Variants in PPFIBP1 observed in about 807,000 individuals in gnomAD.
The protein encoded by PPFIBP1 is liprin-beta-1.
Under a neutral mutation model 137.8 loss-of-function variants are expected in PPFIBP1, and 112 were observed. That is an observed-to-expected ratio of 0.81 (90% CI 0.70 to 0.95). The LOEUF is 0.95. Among genes scored for constraint, PPFIBP1 ranks in the 40% least tolerant of loss-of-function variants. The pLI, the probability that PPFIBP1 is intolerant of heterozygous loss-of-function variation, is 0.00. For synonymous variants in PPFIBP1, 378 were observed against 417.3 expected, an observed-to-expected ratio of 0.91 and a Z score of 1.15; for missense variants, 1,083 against 1,196.6, an observed-to-expected ratio of 0.91 and a Z score of 1.40.
chr12:27,617,643 T>G (rs1282595169), intron 2 of PPFIBP1, among the ~76,000 whole-genome samples: 1 of 152,232 alleles, frequency 6.6e-6, no homozygotes, highest in Non-Finnish European at 1.5e-5. Context: ...TCTATATTAC[T>G]TAGAATACCT....
At chr12:27,656,825 A>G (rs971524004) in intron 9 of PPFIBP1, 95 bp downstream of exon 9, 17 of 860,852 alleles carry the variant, frequency 2.0e-5, no homozygotes, top group Admixed American at 8.6e-5. Flanking sequence ...TAGTTTTAGC[A>G]TCAAAGAAAG....
rs71039821 is a variant in PPFIBP1, at chr12:27,558,596, A to AACACACAC, written c.-123-19534_-123-19527dup. ...TCCTTCCTGCCCCCACCTCTCCACC[A>AACACACAC]ACACACACACACACACACACACACA... On this transcript the variant is annotated intron_variant, in intron 1 of 29. Coordinates refer to ENST00000228425, the MANE Select transcript of PPFIBP1 (RefSeq NM_003622.4). Among the ~76,000 whole-genome samples the AACACACAC allele has an allele frequency of 5.3e-3, 637 of 119,842 alleles. 50 individuals are homozygous for AACACACAC. Among genetic ancestry groups the AACACACAC allele is most frequent in the African/African-American group, 0.012 (333 of 28,750 alleles). The allele number at this position is 119,842 out of a possible 152,430, so 78.6% of individuals were successfully genotyped here.
chr12:27,633,670 C>T (rs1461674948), intron 3 of PPFIBP1, among the ~76,000 whole-genome samples: 2 of 152,108 alleles, frequency 1.3e-5, no homozygotes, highest in Non-Finnish European at 2.9e-5. Flanking sequence ...ATTTCAGTTC[C>T]ATCCTAGGTT....
rs1332884281 is a variant in PPFIBP1, at chr12:27,580,020, A to G, written c.-36+1781A>G. Among the ~76,000 whole-genome samples the G allele has an allele frequency of 2.0e-5, 3 of 152,264 alleles. 1 individual carries two copies. The highest frequency in any genetic ancestry group is 2.4e-5 in the African/African-American group (1 of 41,548). ...AGGGGAAGAGGAAATAGATCCAGAAAAGAGATGTGTCTGGATTCCTATAGA... is the reference window on the plus strand; with the variant it reads ...AGGGGAAGAGGAAATAGATCCAGAAGAGAGATGTGTCTGGATTCCTATAGA... On this transcript the variant is annotated intron_variant, in intron 2 of 29. Transcript: ENST00000228425.
chr12:27,602,512 C>G (rs1389037605), intron 2 of PPFIBP1, among the ~76,000 whole-genome samples: 1 of 152,178 alleles, frequency 6.6e-6, no homozygotes, highest in African/African-American at 2.4e-5. Context: ...CCCAGAACTT[C>G]AAGGTCTGAG....
At chr12:27,664,692 G>C (rs932373372) in intron 12 of PPFIBP1, among the ~76,000 whole-genome samples, 1 of 150,408 alleles carries the variant, frequency 6.6e-6, no homozygotes, top group African/African-American at 2.4e-5. Flanking sequence ...ATTCCAGAGA[G>C]AGAAAAACGA....
chr12:27,595,994 T>G (rs2053243544), intron 2 of PPFIBP1, among the ~76,000 whole-genome samples: 1 of 150,762 alleles, frequency 6.6e-6, no homozygotes, highest in Non-Finnish European at 1.5e-5. Context: ...TGGAGGTTAC[T>G]TCTCTCTTGT....
At chr12:27,602,998 T>G (rs1436582320) in intron 2 of PPFIBP1, among the ~76,000 whole-genome samples, 1 of 152,216 alleles carries the variant, frequency 6.6e-6, no homozygotes, top group Admixed American at 6.5e-5. Flanking sequence ...ATTGTTCGTA[T>G]AGCTGCCAAA....
At chr12:27,641,768 A>G (rs1255338641) in intron 4 of PPFIBP1, among the ~76,000 whole-genome samples, 1 of 152,144 alleles carries the variant, frequency 6.6e-6, no homozygotes, top group Admixed American at 6.5e-5. Context: ...TAAAATACCA[A>G]TTAGGCTAAA....
rs139319069 is a variant in PPFIBP1, at chr12:27,541,316, G to A, written c.-124+16951G>A. 5.9e-3 allele frequency among the ~76,000 whole-genome samples: 892 copies of A among 152,090 alleles called. 6 individuals are homozygous for A. The highest frequency in any genetic ancestry group is 0.011 in the Non-Finnish European group (743 of 67,968). Reference sequence around the variant, plus strand: ...GAAAAGGGGAGGCTGTTTTTGGGCCGAGGGTTGTTTGTTTGGCTTTTTCAT... The same window carrying A: ...GAAAAGGGGAGGCTGTTTTTGGGCCAAGGGTTGTTTGTTTGGCTTTTTCAT... On this transcript the variant is annotated intron_variant, in intron 1 of 29. Coordinates refer to ENST00000228425, the MANE Select transcript of PPFIBP1 (RefSeq NM_003622.4).
chr12:27,537,288 C>T (rs540614108), intron 1 of PPFIBP1, among the ~76,000 whole-genome samples: 4 of 152,260 alleles, frequency 2.6e-5, no homozygotes, highest in East Asian at 1.9e-4. Context: ...CCTGCCACCA[C>T]GTCCAGCTAA....
In PPFIBP1 at chr12:27,672,463, C is replaced by T. The variant is rs1465611353; in HGVS notation, c.1299C>T (p.Thr433=). Residue 433 remains threonine, a synonymous_variant, in exon 15 of 30, where the codon ACC becomes ACT. Transcript: ENST00000228425. ...TAATCCTTGGTGCCACTGTTGATAC[C>T]CAACTGTGTGATAAACTTTTGTAAG... ...GNIILGATVD[T]QLCDKLLTSS... is the part of the protein sequence containing the mutation. 1.2e-6 allele frequency: 2 copies of T among 1,608,220 alleles called. No individual in the cohort carries two copies. The highest frequency in any genetic ancestry group is 1.7e-6 in the Non-Finnish European group (2 of 1,175,404).
chr12:27,663,091 C>G (rs1458636309), intron 11 of PPFIBP1, among the ~76,000 whole-genome samples: 2 of 152,076 alleles, frequency 1.3e-5, no homozygotes, highest in Admixed American at 1.3e-4. Context: ...TTAGGTTGGC[C>G]CCAGCTGGGA....
At chr12:27,687,534 A>C in intron 25 of PPFIBP1, 27 bp downstream of exon 25, 1 of 1,610,834 alleles carries the variant, frequency 6.2e-7, no homozygotes, top group East Asian at 2.2e-5. Flanking sequence ...GAGGTTTATA[A>C]GCATGCACTT....
At position 27,535,335 on chromosome 12, in the gene PPFIBP1, G is replaced by A. The variant is rs74435412; in HGVS notation, c.-124+10970G>A. Among the ~76,000 whole-genome samples, 180 of 152,186 alleles carry A rather than the reference G, an allele frequency of 1.2e-3. 3 individuals carry two copies. In the East Asian group the frequency reaches 0.034, roughly 29 times the overall value. Reference sequence around the variant, plus strand: ...TTCAATTTAAAAATTAAAAAACTAAGCAGTGAAGTTTTTAGCATGAATTTA... The same window carrying A: ...TTCAATTTAAAAATTAAAAAACTAAACAGTGAAGTTTTTAGCATGAATTTA... On this transcript the variant is annotated intron_variant, in intron 1 of 29. Coordinates refer to ENST00000228425, the MANE Select transcript of PPFIBP1 (RefSeq NM_003622.4).
At chr12:27,530,339 T>C (rs1277125076) in intron 1 of PPFIBP1, among the ~76,000 whole-genome samples, 1 of 152,130 alleles carries the variant, frequency 6.6e-6, no homozygotes, top group African/African-American at 2.4e-5. Flanking sequence ...GGAGACACAC[T>C]GGTTGAACCT....
chr12:27,624,670 G>A (rs1325186181), intron 2 of PPFIBP1, among the ~76,000 whole-genome samples: 1 of 152,172 alleles, frequency 6.6e-6, no homozygotes, highest in Non-Finnish European at 1.5e-5. Context: ...TTTTACTAAT[G>A]TATTGTCATT....
In PPFIBP1 at chr12:27,654,827, C is replaced by T; in HGVS notation, c.696+13C>T. On this transcript the variant is annotated intron_variant, in intron 8 of 29. Coordinates refer to ENST00000228425, the MANE Select transcript of PPFIBP1 (RefSeq NM_003622.4). Reference sequence around the variant, plus strand: ...TAAATCAACCAAAGTAAGTTTTTCTCACAGGTTAACATTTTCAAACAAATG... The same window carrying T: ...TAAATCAACCAAAGTAAGTTTTTCTTACAGGTTAACATTTTCAAACAAATG... 1.2e-6 allele frequency: 2 copies of T among 1,607,864 alleles called. No individual in the cohort carries two copies. The highest frequency in any genetic ancestry group is 1.7e-6 in the Non-Finnish European group (2 of 1,177,352).
At chr12:27,682,842 A>G in intron 24 of PPFIBP1, 139 bp downstream of exon 24, 2 of 1,400,642 alleles carry the variant, frequency 1.4e-6, no homozygotes, top group South Asian at 2.8e-5. Context: ...GGAGAGTGGC[A>G]GGCATATTTC....
Sources: gnomAD v4.1 joint callset for allele counts (sites outside exome capture counted in the v4.1 genomes callset) on GRCh38, gnomAD v4.1.1 for gene constraint, MANE v1.5 for transcripts, NCBI Gene and HGNC (gene_info 2026-07-23, HGNC 2026-07-21) for gene names.